Variants in DGKH observed in about 807,000 individuals in gnomAD.
DGKH encodes the protein DAG kinase eta.
DGKH carries 90 observed loss-of-function variants against 159.3 expected under a neutral mutation model. The observed-to-expected ratio is 0.57, with a 90% CI of 0.48 to 0.67. The LOEUF is 0.67. Ranked by LOEUF, DGKH falls within the 30% of genes least tolerant of loss-of-function variation. The pLI, the probability that DGKH is intolerant of heterozygous loss-of-function variation, is 0.00. For synonymous variants in DGKH, 536 were observed against 553.8 expected (o/e 0.97, Z 0.45); for missense variants, 1,181 against 1,506.1 (o/e 0.78, Z 3.57).
chr13:42,182,467 G>A (rs1869943097), intron 13 of DGKH, among the ~76,000 whole-genome samples: 1 of 152,074 alleles, frequency 6.6e-6, no homozygotes. Flanking sequence ...AGGTACTCAA[G>A]TCCCTCATAG....
At chr13:42,139,331 T>G (rs1308178157) in intron 3 of DGKH, among the ~76,000 whole-genome samples, 1 of 152,206 alleles carries the variant, frequency 6.6e-6, no homozygotes, top group Non-Finnish European at 1.5e-5. Flanking sequence ...TCTGGAGCTC[T>G]GGGAACCTAG....
At chr13:42,243,100 A>G (rs1958544869), downstream of DGKH, among the ~76,000 whole-genome samples, 1 of 152,188 alleles carries the variant, frequency 6.6e-6, no homozygotes. Context: ...ATAAGGTCAC[A>G]ATGCTGAACA....
intron 28 of DGKH, among the ~76,000 whole-genome samples, chr13:42,220,764 A>C (rs1957946742): frequency 6.6e-6 from 1 of 152,204 alleles, no homozygotes; most frequent in African/African-American, 2.4e-5. Context: ...CGTTATTATC[A>C]GTAGTAGGAG....
At chr13:42,072,159 C>A (rs1322063228) in intron 1 of DGKH, among the ~76,000 whole-genome samples, 5 of 152,170 alleles carry the variant, frequency 3.3e-5, no homozygotes, top group African/African-American at 1.2e-4. Context: ...AGTTAGTAAG[C>A]AGGCATATTG....
chr13:42,093,486 A>G (rs2137753355), intron 1 of DGKH, among the ~76,000 whole-genome samples: 1 of 152,318 alleles, frequency 6.6e-6, no homozygotes, highest in Middle Eastern at 3.4e-3. Flanking sequence ...TTATTTCATG[A>G]TCCAGCGATT....
rs1956026207 is a variant in DGKH at position 42,155,695 on chromosome 13, C to T, written c.518C>T (p.Ser173Leu). ...EVAQFNVEHFSGMHNWYACSH... is the reference protein window; with the variant it reads ...EVAQFNVEHFLGMHNWYACSH... ...GCCCAGTTTAATGTGGAACATTTCT[C>T]AGGGATGCACAACTGGTACGCCTGC... is the stretch of plus-strand genomic sequence containing the variant. The change falls in exon 5 of 30, where the codon TCA becomes TTA. Residue 173 changes from serine to leucine, a missense_variant. Physicochemically the swap from Ser to Leu is moderately radical, Grantham distance 145 (BLOSUM62 -2). Transcript: ENST00000337343. 6.2e-7 allele frequency: 1 copy of T among 1,614,042 alleles called. No homozygotes were observed. The highest frequency in any genetic ancestry group is 1.3e-5 in the African/African-American group (1 of 74,918).
intron 1 of DGKH, among the ~76,000 whole-genome samples, chr13:42,108,653 TA>T (rs1227775246): frequency 1.3e-5 from 2 of 152,154 alleles, no homozygotes; most frequent in Non-Finnish European, 2.9e-5. Flanking sequence ...CAGGCAGTTG[TA>T]AATGGAGCTG....
At chr13:42,047,658 C>G (rs1259954597), upstream of DGKH, among the ~76,000 whole-genome samples, 2 of 152,196 alleles carry the variant, frequency 1.3e-5, no homozygotes, top group Non-Finnish European at 2.9e-5. Flanking sequence ...CAAGTGCCCG[C>G]GCAGCCAGCT....
At chr13:42,071,978 C>T (rs1187466145) in intron 1 of DGKH, among the ~76,000 whole-genome samples, 2 of 152,170 alleles carry the variant, frequency 1.3e-5, no homozygotes, top group Non-Finnish European at 2.9e-5. Context: ...ATTTCCTTTT[C>T]CCTATCGTAA....
chr13:42,169,488 T>C (rs1276821928), intron 11 of DGKH, among the ~76,000 whole-genome samples: 1 of 152,154 alleles, frequency 6.6e-6, no homozygotes, highest in Non-Finnish European at 1.5e-5. Context: ...TGTTTAAAAT[T>C]TGGGTATAAG....
intron 7 of DGKH, among the ~76,000 whole-genome samples, chr13:42,164,676 C>T (rs1000665879): frequency 6.6e-6 from 1 of 152,130 alleles, no homozygotes; most frequent in Non-Finnish European, 1.5e-5. Context: ...TCAGTAGTAC[C>T]TTGCATGACC....
chr13:42,170,493 T>C (rs571891117), intron 11 of DGKH, among the ~76,000 whole-genome samples: 1 of 152,252 alleles, frequency 6.6e-6, no homozygotes, highest in South Asian at 2.1e-4. Flanking sequence ...ACCCCCATGG[T>C]GAAATTCCTT....
At chr13:42,050,352 C>CA (rs1201238025) in intron 1 of DGKH, among the ~76,000 whole-genome samples, 7 of 150,274 alleles carry the variant, frequency 4.7e-5, no homozygotes, top group Non-Finnish European at 5.9e-5. Flanking sequence ...GCCTGAGCGA[C>CA]AAAAAAAAAG....
At chr13:42,213,815 G>A (rs1315480843) in intron 24 of DGKH, among the ~76,000 whole-genome samples, 1 of 152,134 alleles carries the variant, frequency 6.6e-6, no homozygotes, top group Non-Finnish European at 1.5e-5. Flanking sequence ...CAATCGGAGG[G>A]ACTTTTTCTC....
chr13:42,076,534 G>A (rs868042461), intron 1 of DGKH, among the ~76,000 whole-genome samples: 1 of 152,132 alleles, frequency 6.6e-6, no homozygotes, highest in Non-Finnish European at 1.5e-5. Flanking sequence ...AGAAAACATC[G>A]TAACCCTCTT....
intron 30 of DGKH, chr13:42,255,828 A>AT: frequency 4.8e-6 from 3 of 627,872 alleles, no homozygotes; most frequent in Non-Finnish European, 8.1e-6. Context: ...TAAGTAATAT[A>AT]TAAAAAGGGC....
chr13:42,189,180 A>G lies in DGKH; in HGVS notation c.1783A>G (p.Ser595Gly), dbSNP rs1360453028. The change falls in exon 15 of 30, where the codon AGC (serine) becomes GGC (glycine). Residue 595 changes from serine (S) to glycine (G), a missense_variant. Ser to Gly is a moderately conservative substitution (Grantham distance 56). Coordinates refer to ENST00000337343, the MANE Select transcript of DGKH (RefSeq NM_178009.5). ...ESSSEESLGE[S>G]KEQLGDDVTK... ...GTCCAGTGAAGAGTCCCTGGGTGAA[A>G]GCAAAGAGCAGCTTGGGGATGACGT... 3.1e-6 allele frequency: 5 copies of G among 1,614,236 alleles called. No individual in the cohort carries two copies. Among genetic ancestry groups the G allele is most frequent in the South Asian group, 1.1e-5 (1 of 91,086 alleles).
chr13:42,213,264 T>C (rs347414), intron 24 of DGKH, among the ~76,000 whole-genome samples: 85,727 of 151,978 alleles, frequency 0.56, 25,121 homozygotes, highest in African/African-American at 0.72. Flanking sequence ...GGTAAATGGG[T>C]ATGAATTAGG....
chr13:42,204,385 C>G (rs1485663296), intron 20 of DGKH, among the ~76,000 whole-genome samples: 1 of 152,138 alleles, frequency 6.6e-6, no homozygotes, highest in African/African-American at 2.4e-5. Context: ...ATGTGAAAAG[C>G]TAAACCTGCT....
Sources: allele counts gnomAD v4.1 joint callset (sites outside exome capture counted in the v4.1 genomes callset), GRCh38; gene constraint gnomAD v4.1.1; transcripts MANE v1.5; gene names NCBI Gene and HGNC (gene_info 2026-07-23, HGNC 2026-07-21).